The following COL25A1 variants were observed in gnomAD, a reference collection of about 807,000 sequenced individuals.
COL25A1 encodes the protein collagen type XXV alpha 1 chain.
In COL25A1, 103 loss-of-function variants were observed where a neutral mutation model predicts 128.4. The ratio of observed to expected loss-of-function variants is 0.80; its 90% CI spans 0.68 to 0.94. The LOEUF (loss-of-function observed/expected upper bound fraction) is 0.94, where lower values mean the gene tolerates loss of function less well. COL25A1 is among the 40% of genes least tolerant of loss of function. The pLI is 0.00. For missense variants in COL25A1, 745 were observed against 840.0 expected, an observed-to-expected ratio of 0.89 and a Z score of 1.40; for synonymous variants, 279 against 277.2, an observed-to-expected ratio of 1.01 and a Z score of -0.06.
chr4:108,858,474 G>A (rs201592230), intron 24 of COL25A1, among the ~76,000 whole-genome samples: 1 of 152,140 alleles, frequency 6.6e-6, no homozygotes, highest in African/African-American at 2.4e-5. Flanking sequence ...GTTTAAAAAT[G>A]ACTCTAAACT....
At chr4:109,060,516 T>C (rs1761867143) in intron 3 of COL25A1, among the ~76,000 whole-genome samples, 1 of 152,148 alleles carries the variant, frequency 6.6e-6, no homozygotes, top group Admixed American at 6.6e-5. Flanking sequence ...TGTGAACATG[T>C]TAGCAGTTGG....
intron 20 of COL25A1, among the ~76,000 whole-genome samples, chr4:108,866,453 A>G (rs368851280): frequency 6.6e-6 from 1 of 152,146 alleles, no homozygotes; most frequent in Non-Finnish European, 1.5e-5. Flanking sequence ...TCAGCCTCCC[A>G]AAGTGCTGGG....
At position 108,834,526 on chromosome 4, in the gene COL25A1, T is replaced by A. The variant is rs1218325001; in HGVS notation, c.1657-2093A>T. ...CAGTTACAGGGTTCTGGGATGAATA[T>A]CACATTGCTACAAATTGTTAGTTAA... is the stretch of plus-strand genomic sequence containing the variant. On this transcript the variant is annotated intron_variant, in intron 31 of 37. Transcript: ENST00000399132. 4.4e-6 allele frequency: 3 copies of A among 680,682 alleles called. No homozygotes were observed. The African/African-American group carries it at 5.5e-5, about 13-fold the overall frequency. The allele number at this position is 680,682 out of a possible 1,614,324, so 42.2% of individuals were successfully genotyped here.
chr4:108,924,497 C>T (rs990348445), intron 11 of COL25A1, among the ~76,000 whole-genome samples: 5 of 152,148 alleles, frequency 3.3e-5, no homozygotes, highest in African/African-American at 1.2e-4. Flanking sequence ...GCATGTTACT[C>T]GGGCCTCAGA....
chr4:108,847,141 G>A (rs1471933451), intron 27 of COL25A1, among the ~76,000 whole-genome samples: 1 of 151,968 alleles, frequency 6.6e-6, no homozygotes, highest in Non-Finnish European at 1.5e-5. Context: ...CCTGACCTCA[G>A]GTGATCTGCT....
intron 3 of COL25A1, among the ~76,000 whole-genome samples, chr4:109,270,022 T>G (rs1367103353): frequency 2.6e-5 from 4 of 151,996 alleles, no homozygotes; most frequent in Non-Finnish European, 5.9e-5. Context: ...TTCAACAACC[T>G]TTCATGCTAA....
chr4:108,903,577 T>C (rs1424830589), intron 13 of COL25A1, among the ~76,000 whole-genome samples: 2 of 152,058 alleles, frequency 1.3e-5, no homozygotes, highest in Non-Finnish European at 2.9e-5. Context: ...ATACTCATTT[T>C]TCTGTCAAAT....
intron 3 of COL25A1, among the ~76,000 whole-genome samples, chr4:109,186,681 A>G (rs1775164100): frequency 6.6e-6 from 1 of 152,254 alleles, no homozygotes; most frequent in Non-Finnish European, 1.5e-5. Flanking sequence ...CACTACAAAA[A>G]GAGACAATAA....
Position 109,139,751 on chromosome 4 carries a change from C to T in COL25A1, c.368-89572G>A, listed in dbSNP as rs375925281. Among the ~76,000 whole-genome samples, 49 of 151,926 alleles carry T rather than the reference C, an allele frequency of 3.2e-4. No homozygotes were observed. The South Asian group carries it at 0.01, about 31-fold the overall frequency. On this transcript the variant is annotated intron_variant, in intron 3 of 37. Coordinates refer to ENST00000399132, the MANE Select transcript of COL25A1 (RefSeq NM_198721.4). ...GGTTAGTTACATATGTATACATGTG[C>T]CATGTTGGTGTGCTGCATCCATTAA... is the stretch of plus-strand genomic sequence containing the variant.
At chr4:108,880,709 T>C (rs6533391) in intron 19 of COL25A1, among the ~76,000 whole-genome samples, 84,347 of 151,982 alleles carry the variant, frequency 0.55, 24,667 homozygotes, top group East Asian at 1. Context: ...TGCCCCACAT[T>C]ATGTTATTGA....
chr4:109,187,566 G>A (rs1428926808), intron 3 of COL25A1, among the ~76,000 whole-genome samples: 1 of 152,154 alleles, frequency 6.6e-6, no homozygotes, highest in Non-Finnish European at 1.5e-5. Context: ...CATTATAAAA[G>A]CTACAGAACT....
intron 3 of COL25A1, among the ~76,000 whole-genome samples, chr4:109,289,757 CCT>C (rs1416376711): frequency 6.6e-6 from 1 of 152,010 alleles, no homozygotes; most frequent in Non-Finnish European, 1.5e-5. Flanking sequence ...CATAGAACAT[CCT>C]CTGTTTTTGT....
At position 109,010,357 on chromosome 4, in the gene COL25A1, C is replaced by A; in HGVS notation, c.438+1G>T. 1 of 1,579,560 alleles carries A rather than the reference C, an allele frequency of 6.3e-7. No individual in the cohort carries two copies. Among genetic ancestry groups the A allele is most frequent in the South Asian group, 1.2e-5 (1 of 84,682 alleles). ...AATTTGCTAGAAAAGAATTACCTTA[C>A]CTGAGGACCAGGCTGTCCCTGAAAT... On this transcript the variant is annotated splice_donor_variant, in intron 6 of 37. Coordinates refer to ENST00000399132, the MANE Select transcript of COL25A1 (RefSeq NM_198721.4). LOFTEE classifies it high-confidence loss of function.
intron 6 of COL25A1, among the ~76,000 whole-genome samples, chr4:109,004,941 G>A (rs1239116622): frequency 6.0e-5 from 1 of 16,704 alleles, no homozygotes; most frequent in African/African-American, 3.5e-4. Context: ...ACATTTGCAC[G>A]GGAAAAACAA....
chr4:109,229,485 A>C (rs1438620613), intron 3 of COL25A1, among the ~76,000 whole-genome samples: 1 of 152,168 alleles, frequency 6.6e-6, no homozygotes, highest in Non-Finnish European at 1.5e-5. Flanking sequence ...AGCGTATTTA[A>C]CTCATGCTTG....
intron 31 of COL25A1, chr4:108,838,177 C>A (rs1275768005): frequency 2.6e-6 from 4 of 1,550,156 alleles, no homozygotes; most frequent in Non-Finnish European, 3.5e-6. Context: ...CCCTGGTTCA[C>A]CCTAAATGCA....
chr4:108,977,757 G>A (rs1752578024), intron 6 of COL25A1, among the ~76,000 whole-genome samples: 1 of 152,192 alleles, frequency 6.6e-6, no homozygotes, highest in South Asian at 2.1e-4. Context: ...AAGCTAAATA[G>A]CCTAGTGTCT....
At chr4:109,215,172 T>C (rs1026020058) in intron 3 of COL25A1, among the ~76,000 whole-genome samples, 3 of 152,140 alleles carry the variant, frequency 2.0e-5, no homozygotes, top group African/African-American at 7.2e-5. Context: ...GAAATCAGGG[T>C]AACAAGTTAG....
intron 37 of COL25A1, among the ~76,000 whole-genome samples, chr4:108,814,154 TTTTCCTTTGCCACTGAGAATTATC>T (rs1416959119): frequency 6.6e-6 from 1 of 152,196 alleles, no homozygotes; most frequent in Non-Finnish European, 1.5e-5. Flanking sequence ...CATTCCACAT[TTTTCCTTTGCCACTGAGAATTATC>T]TTTCCTTTGC....
Sources: gnomAD v4.1 joint callset for allele counts (sites outside exome capture counted in the v4.1 genomes callset) on GRCh38, gnomAD v4.1.1 for gene constraint, MANE v1.5 for transcripts, NCBI Gene and HGNC (gene_info 2026-07-23, HGNC 2026-07-21) for gene names.